Variants in RC3H2 observed in about 807,000 individuals in gnomAD.
The protein encoded by RC3H2 is ring finger and CCCH-type domains 2, also known as roquin-2.
Under a neutral mutation model 133.3 loss-of-function variants are expected in RC3H2, and 31 were observed. The ratio of observed to expected loss-of-function variants is 0.23; its 90% CI spans 0.17 to 0.31. The LOEUF (loss-of-function observed/expected upper bound fraction) is 0.31, where lower values mean the gene tolerates loss of function less well. Ranked by LOEUF, RC3H2 falls within the 10% of genes least tolerant of loss-of-function variation. The pLI, the probability that RC3H2 is intolerant of heterozygous loss-of-function variation, is 1.00. For missense variants in RC3H2, 1,175 were observed against 1,437.2 expected, an observed-to-expected ratio of 0.82 and a Z score of 2.95; for synonymous variants, 517 against 502.2, an observed-to-expected ratio of 1.03 and a Z score of -0.40.
In RC3H2 at chr9:122,880,609, C is replaced by T. The variant is rs759047776; in HGVS notation, c.945G>A (p.Gln315=). 2 of 1,613,380 alleles carry T rather than the reference C, an allele frequency of 1.2e-6. No individual in the cohort carries two copies. The highest frequency in any genetic ancestry group is 1.7e-5 in the Admixed American group (1 of 60,018). Residue 315 remains glutamine (Q), a synonymous_variant, in exon 6 of 21, where the codon CAG becomes CAA. Transcript: ENST00000357244. The part of the protein sequence containing the change: ...YGDLAHKSHM[Q]SIIDKLQSPE... ...TTTCACAAACCTTATCAATGATAGA[C>T]TGCATGTGTGATTTATGAGCCAAAT...
At chr9:122,868,293 A>G (rs562241324) in intron 9 of RC3H2, among the ~76,000 whole-genome samples, 4 of 152,352 alleles carry the variant, frequency 2.6e-5, no homozygotes, top group Non-Finnish European at 4.4e-5. Context: ...GTTTTGTGGA[A>G]TAGAAAGGGG....
In RC3H2 at chr9:122,858,055, C is replaced by A; in HGVS notation, c.2322G>T (p.Gln774His). The A allele has an allele frequency of 6.2e-7, 1 of 1,614,232 alleles. No homozygotes were observed. Among genetic ancestry groups the A allele is most frequent in the Non-Finnish European group, 8.5e-7 (1 of 1,180,034 alleles). ...CCCACTGATCTGGCTTTCTTCTTATCTGCTCCTCGCAACTGGTCTTCAAAT... is the reference window on the plus strand; with the variant it reads ...CCCACTGATCTGGCTTTCTTCTTATATGCTCCTCGCAACTGGTCTTCAAAT... ...CGHLKTSCEE[Q>H]IRRKPDQWAQ... Residue 774 changes from glutamine to histidine, a missense_variant, in exon 13 of 21, where the codon CAG becomes CAT. This residue lies in a region of RC3H2 where 490 missense variants were observed against 492.8 expected (regional missense o/e 0.99). Coordinates refer to ENST00000357244, the MANE Select transcript of RC3H2 (RefSeq NM_001100588.3).
intron 2 of RC3H2, among the ~76,000 whole-genome samples, chr9:122,895,109 T>C (rs1487297492): frequency 5.3e-5 from 8 of 151,744 alleles, no homozygotes. Context: ...ACAAATGATA[T>C]TAACACAATA....
chr9:122,902,151 G>A (rs1422901190), intron 1 of RC3H2, among the ~76,000 whole-genome samples: 3 of 151,490 alleles, frequency 2.0e-5, no homozygotes, highest in African/African-American at 7.3e-5. Flanking sequence ...GGCTGGTCTC[G>A]AACTCCTGAC....
chr9:122,850,943 C>T (rs1829996476), intron 20 of RC3H2, 138 bp downstream of exon 20: 12 of 946,012 alleles, frequency 1.3e-5, no homozygotes, highest in Non-Finnish European at 1.6e-5. Context: ...TTTTTCTTCC[C>T]TAAAAATCCA....
chr9:122,868,604 C>A (rs867806486), intron 9 of RC3H2, among the ~76,000 whole-genome samples: 15 of 151,980 alleles, frequency 9.9e-5, no homozygotes, highest in Non-Finnish European at 2.2e-4. Flanking sequence ...ACAAACGCTG[C>A]GGAAGGCCGC....
rs536420929 is a variant in RC3H2 at position 122,849,521 on chromosome 9, CT to C, written c.*105del. 3.8e-5 allele frequency: 15 copies of C among 393,158 alleles called. No homozygotes were observed. The highest frequency in any genetic ancestry group is 9.0e-4 in the Middle Eastern group (1 of 1,114). 24.4% of individuals were successfully genotyped at this position (393,158 alleles called of 1,614,324 possible). A position where few individuals can be genotyped will look rare whatever the true frequency, so the allele number is the denominator to read the frequency against. ...AGGAAATGGATGCCCCCAGTAATAT[CT>C]TTTTTTTAAAAAAAATATACATTAT... is the stretch of plus-strand genomic sequence containing the variant. On this transcript the variant is annotated 3_prime_UTR_variant, in exon 21 of 21. Coordinates refer to ENST00000357244, the MANE Select transcript of RC3H2 (RefSeq NM_001100588.3).
chr9:122,851,642 G>A lies in RC3H2; in HGVS notation c.3118-206C>T, dbSNP rs1048764128. 7.2e-5 allele frequency: 43 copies of A among 599,962 alleles called. 1 individual carries two copies. Among genetic ancestry groups the A allele is most frequent in the Middle Eastern group, 4.9e-4 (1 of 2,060 alleles). The allele number at this position is 599,962 out of a possible 1,614,324, so 37.2% of individuals were successfully genotyped here. The stretch of plus-strand genomic sequence containing the variant: ...CTGCAGAGTGCCTGCAATTGCAGGC[G>A]CGCGCCGCCACGCCTGACTGGTTTT... On this transcript the variant is annotated intron_variant, in intron 18 of 20. Coordinates refer to ENST00000357244, the MANE Select transcript of RC3H2 (RefSeq NM_001100588.3).
chr9:122,853,730 G>C (rs1588051993), intron 18 of RC3H2: 1 of 1,244,010 alleles, frequency 8.0e-7, no homozygotes, highest in Non-Finnish European at 1.1e-6. Flanking sequence ...CCAGGCGATA[G>C]AGCAAGATTC....
Position 122,851,309 on chromosome 9 carries a change from AT to A in RC3H2, c.3231+13del, listed in dbSNP as rs777522366. ...TCAAACAAAGCCTCTCAATTATCTA[AT>A]TGTGGCACTTACTTCAATTGGTTCA... On this transcript the variant is annotated intron_variant, in intron 19 of 20. Coordinates refer to ENST00000357244, the MANE Select transcript of RC3H2 (RefSeq NM_001100588.3). The A allele has an allele frequency of 5.0e-6, 8 of 1,612,896 alleles. No homozygotes were observed. Among genetic ancestry groups the A allele is most frequent in the Non-Finnish European group, 6.8e-6 (8 of 1,178,878 alleles).
chr9:122,904,616 C>A (rs1192470685), intron 1 of RC3H2, among the ~76,000 whole-genome samples: 2 of 152,216 alleles, frequency 1.3e-5, no homozygotes, highest in Non-Finnish European at 2.9e-5. Context: ...CCGGCCGTCC[C>A]CATCCTGGGA....
chr9:122,905,340 G>A lies in RC3H2; in HGVS notation c.-298C>T, dbSNP rs1264410835. 8 of 962,318 alleles carry A rather than the reference G, an allele frequency of 8.3e-6. No homozygotes were observed. The East Asian group carries it at 5.8e-4, about 69-fold the overall frequency. 59.6% of individuals were successfully genotyped at this position (962,318 alleles called of 1,614,324 possible). On this transcript the variant is annotated 5_prime_UTR_variant, in exon 1 of 21. Transcript: ENST00000357244. The stretch of plus-strand genomic sequence containing the variant: ...TCCTCCTCCTCCTCCTCCTCACCAC[G>A]GAGGCGGACCTGGAGGGATCCCGAT...
chr9:122,851,266 T>C (rs79828468), intron 19 of RC3H2, 37 bp from the exon 20 acceptor site: 6 of 1,611,706 alleles, frequency 3.7e-6, no homozygotes, highest in Non-Finnish European at 4.2e-6. Context: ...AGTATGAAAG[T>C]ATTTTATAAA....
chr9:122,858,256 A>AT (rs1320939997), intron 12 of RC3H2, among the ~76,000 whole-genome samples, 163 bp from the exon 13 acceptor site: 1 of 152,214 alleles, frequency 6.6e-6, no homozygotes, highest in Admixed American at 6.5e-5. Context: ...AAAAAGGTTA[A>AT]TATTTATTCA....
chr9:122,861,661 G>A (rs1046308534), intron 10 of RC3H2, among the ~76,000 whole-genome samples: 66 of 152,106 alleles, frequency 4.3e-4, no homozygotes, highest in African/African-American at 1.5e-3. Context: ...TGTTAATTAT[G>A]CAGGAACTCA....
chr9:122,866,056 C>T (rs1830634485), intron 9 of RC3H2, among the ~76,000 whole-genome samples: 1 of 152,050 alleles, frequency 6.6e-6, no homozygotes. Flanking sequence ...GTTGAGAACA[C>T]AGAGTAAAGA....
intron 9 of RC3H2, among the ~76,000 whole-genome samples, chr9:122,869,712 C>G (rs118011517): frequency 3.3e-5 from 5 of 151,722 alleles, no homozygotes; most frequent in African/African-American, 4.8e-5. Context: ...ATTATAGGCG[C>G]GCGCCTGCCA....
chr9:122,868,536 G>GA (rs1296042893), intron 9 of RC3H2, among the ~76,000 whole-genome samples: 2 of 151,782 alleles, frequency 1.3e-5, no homozygotes, highest in Non-Finnish European at 2.9e-5. Flanking sequence ...ACAGATGCTT[G>GA]AAGGCAGCAT....
At chr9:122,851,042 C>T (rs765770728) in intron 20 of RC3H2, 39 bp downstream of exon 20, 1 of 1,610,546 alleles carries the variant, frequency 6.2e-7, no homozygotes, top group Non-Finnish European at 8.5e-7. Flanking sequence ...TTATTATGTC[C>T]TATGCCCACT....
Sources: allele counts gnomAD v4.1 joint callset (sites outside exome capture counted in the v4.1 genomes callset), GRCh38; gene constraint gnomAD v4.1.1; regional missense constraint gnomAD v4.1.1; transcripts MANE v1.5; gene names NCBI Gene and HGNC (gene_info 2026-07-23, HGNC 2026-07-21).